The following NHSL2 variants were observed in gnomAD, a reference collection of about 807,000 sequenced individuals.
The protein encoded by NHSL2 is NHS-like protein 2.
A neutral mutation model predicts 53.4 loss-of-function variants in NHSL2; 27 were observed. The ratio of observed to expected loss-of-function variants is 0.51; its 90% CI spans 0.37 to 0.70. The LOEUF is 0.70. Ranked by LOEUF, NHSL2 falls within the 30% of genes least tolerant of loss-of-function variation. NHSL2 has a pLI of 0.00. For missense variants in NHSL2, 892 were observed against 980.1 expected, an observed-to-expected ratio of 0.91 and a Z score of 1.20; for synonymous variants, 408 against 404.1, an observed-to-expected ratio of 1.01 and a Z score of -0.12.
intron 1 of NHSL2, among the ~76,000 whole-genome samples, chrX:72,060,806 G>A (rs1051901475): frequency 1.8e-5 from 2 of 112,722 alleles, no homozygotes; most frequent in African/African-American, 3.2e-5. Flanking sequence ...ATTCCAGCTC[G>A]CTTTGCATAG....
intron 3 of NHSL2, 123 bp downstream of exon 3, chrX:72,134,341 C>A: frequency 1.1e-6 from 1 of 879,087 alleles, no homozygotes; most frequent in Non-Finnish European, 1.6e-6. Flanking sequence ...TACCCTGAGG[C>A]CCCACTGGGA....
At chrX:71,989,869 G>A (rs761814763) in intron 1 of NHSL2, among the ~76,000 whole-genome samples, 2 of 112,453 alleles carry the variant, frequency 1.8e-5, no homozygotes, top group Non-Finnish European at 3.8e-5. Context: ...TCTCTACCTC[G>A]TGGCTCGGGC....
At position 71,913,612 on chromosome X, in the gene NHSL2, C is replaced by G. The variant is rs1292565130; in HGVS notation, c.280+2245C>G. ...ATCCTCCATCTGTCTGGATTGCCCTCAGATTCTTCCTCTAGCTATTTATTT... is the reference window on the plus strand; with the variant it reads ...ATCCTCCATCTGTCTGGATTGCCCTGAGATTCTTCCTCTAGCTATTTATTT... On this transcript the variant is annotated intron_variant, in intron 1 of 7. Coordinates refer to ENST00000633930, the MANE Select transcript of NHSL2 (RefSeq NM_001013627.3). Among the ~76,000 whole-genome samples, 3 of 112,358 alleles carry G rather than the reference C, an allele frequency of 2.7e-5. No individual in the cohort carries two copies. In the Admixed American group the frequency reaches 2.8e-4, roughly 11 times the overall value.
intron 1 of NHSL2, among the ~76,000 whole-genome samples, chrX:72,126,644 C>T (rs937305830): frequency 4.5e-5 from 5 of 111,260 alleles, no homozygotes; most frequent in East Asian, 2.8e-4. Flanking sequence ...TTTCTTCTGA[C>T]CCCACAGTCC....
intron 1 of NHSL2, among the ~76,000 whole-genome samples, chrX:72,056,297 G>T (rs1397230457): frequency 8.9e-6 from 1 of 111,995 alleles, no homozygotes; most frequent in Non-Finnish European, 1.9e-5. Context: ...CAAAACATTG[G>T]TTATGATGTA....
intron 1 of NHSL2, among the ~76,000 whole-genome samples, chrX:71,918,672 T>A (rs750687021): frequency 8.9e-6 from 1 of 112,167 alleles, no homozygotes; most frequent in Non-Finnish European, 1.9e-5. Flanking sequence ...GCCTTGTTGT[T>A]ATACACTGAG....
intron 1 of NHSL2, among the ~76,000 whole-genome samples, chrX:72,066,949 G>C (rs1420454447): frequency 1.8e-5 from 2 of 111,352 alleles, no homozygotes; most frequent in African/African-American, 6.5e-5. Flanking sequence ...GGGCAACATA[G>C]TGAGACCCCA....
intron 1 of NHSL2, among the ~76,000 whole-genome samples, chrX:71,949,566 A>G (rs2041810354): frequency 9.0e-6 from 1 of 111,503 alleles, no homozygotes; most frequent in African/African-American, 3.3e-5. Flanking sequence ...ACGGGGATGA[A>G]AAAGTCCAGG....
chrX:72,106,076 G>T (rs1301769194), intron 1 of NHSL2, among the ~76,000 whole-genome samples: 22 of 111,179 alleles, frequency 2.0e-4, no homozygotes, highest in Admixed American at 5.7e-4. Flanking sequence ...GGGCGAGGTG[G>T]CGGGTGCCTG....
chrX:72,002,599 G>C (rs1388469498), intron 1 of NHSL2, among the ~76,000 whole-genome samples: 1 of 111,586 alleles, frequency 9.0e-6, no homozygotes, highest in African/African-American at 3.3e-5. Context: ...GGAAACCGAG[G>C]CTCAGAGAGC....
At chrX:72,121,128 C>T (rs1387834955) in intron 1 of NHSL2, among the ~76,000 whole-genome samples, 1 of 112,227 alleles carries the variant, frequency 8.9e-6, no homozygotes, top group Non-Finnish European at 1.9e-5. Flanking sequence ...TCCTTGGTCA[C>T]GGCACCCAGG....
chrX:72,084,285 C>T (rs2041816419), intron 1 of NHSL2, among the ~76,000 whole-genome samples: 1 of 112,367 alleles, frequency 8.9e-6, no homozygotes, highest in African/African-American at 3.2e-5. Context: ...CCTGGTGTCA[C>T]TTGGAATTGA....
intron 1 of NHSL2, among the ~76,000 whole-genome samples, chrX:71,995,209 C>T (rs1475657385): frequency 8.9e-6 from 1 of 112,202 alleles, no homozygotes; most frequent in African/African-American, 3.2e-5. Context: ...GATCTGTTCT[C>T]CTGTCATCTC....
At chrX:72,001,057 C>T (rs762335629) in intron 1 of NHSL2, among the ~76,000 whole-genome samples, 3 of 112,034 alleles carry the variant, frequency 2.7e-5, no homozygotes, top group Non-Finnish European at 3.8e-5. Context: ...CCTGCATTGC[C>T]ACACATCTCT....
intron 1 of NHSL2, among the ~76,000 whole-genome samples, chrX:72,114,637 G>C (rs2042121055): frequency 8.9e-6 from 1 of 112,454 alleles, no homozygotes; most frequent in Non-Finnish European, 1.9e-5. Context: ...CCACAGAGCT[G>C]CCCTGAGTTG....
rs754701851 is a variant in NHSL2, at chrX:72,146,069, A to T, written c.*2495A>T. On this transcript the variant is annotated 3_prime_UTR_variant, in exon 8 of 8. Transcript: ENST00000633930. ...ACCGGAAGTATTCATTTAATTTTTT[A>T]AATTAATTTTTTGTAAAGATGGGGG... 4 of 112,440 alleles carry T rather than the reference A, an allele frequency of 3.6e-5. No homozygotes were observed. The highest frequency in any genetic ancestry group is 2.8e-4 in the East Asian group (1 of 3,603). The allele number at this position is 112,440 out of a possible 1,213,427, so 9.3% of individuals were successfully genotyped here.
intron 1 of NHSL2, among the ~76,000 whole-genome samples, chrX:71,967,545 T>G (rs1433557258): frequency 8.9e-6 from 1 of 111,956 alleles, no homozygotes; most frequent in African/African-American, 3.2e-5. Context: ...TGATCCATGT[T>G]TTATTTAGAA....
chrX:72,072,233 C>T (rs1323071635), intron 1 of NHSL2, among the ~76,000 whole-genome samples: 1 of 112,434 alleles, frequency 8.9e-6, no homozygotes, highest in African/African-American at 3.2e-5. Flanking sequence ...ATACATCAAA[C>T]CCATGATTTC....
At chrX:72,034,123 G>A (rs765234271) in intron 1 of NHSL2, among the ~76,000 whole-genome samples, 3 of 112,049 alleles carry the variant, frequency 2.7e-5, no homozygotes, top group Non-Finnish European at 5.6e-5. Context: ...TTTCTATCAT[G>A]TATGGGTGTT....
Sources: gnomAD v4.1 joint callset for allele counts (sites outside exome capture counted in the v4.1 genomes callset) on GRCh38, gnomAD v4.1.1 for gene constraint, MANE v1.5 for transcripts, NCBI Gene and HGNC (gene_info 2026-07-23, HGNC 2026-07-21) for gene names.